The following WWOX variants were observed in gnomAD, a reference collection of about 807,000 sequenced individuals.
The protein encoded by WWOX is WW domain containing oxidoreductase.
A neutral mutation model predicts 46.2 loss-of-function variants in WWOX; 69 were observed. The ratio of observed to expected loss-of-function variants is 1.49; its 90% CI spans 1.23 to 1.82. The LOEUF is 1.82. WWOX is among the 40% of genes most tolerant of loss of function. WWOX has a pLI of 0.00. For synonymous variants in WWOX, 359 were observed against 202.6 expected, an observed-to-expected ratio of 1.77 and a Z score of -6.56; for missense variants, 919 against 542.6, an observed-to-expected ratio of 1.69 and a Z score of -6.89.
At chr16:78,146,472 A>G (rs1039781631) in intron 4 of WWOX, among the ~76,000 whole-genome samples, 1 of 152,218 alleles carries the variant, frequency 6.6e-6, no homozygotes, top group Non-Finnish European at 1.5e-5. Flanking sequence ...ATGTAAAATC[A>G]GCCTCAGCTG....
At chr16:78,477,245 C>A (rs1412355885) in intron 8 of WWOX, among the ~76,000 whole-genome samples, 2 of 152,152 alleles carry the variant, frequency 1.3e-5, no homozygotes, top group East Asian at 1.9e-4. Context: ...AGGGGATGAT[C>A]TTCTAGTCTA....
chr16:78,657,347 T>C (rs553274436), intron 8 of WWOX, among the ~76,000 whole-genome samples: 1 of 152,248 alleles, frequency 6.6e-6, no homozygotes, highest in East Asian at 1.9e-4. Context: ...AAGGGGACTT[T>C]CTTGCTTCCT....
intron 8 of WWOX, among the ~76,000 whole-genome samples, chr16:78,930,595 CTT>C (rs534091390): frequency 1.1e-4 from 15 of 139,468 alleles, no homozygotes; most frequent in East Asian, 2.1e-4. Context: ...CAGGCAAGGA[CTT>C]TTTTTTTTTT....
chr16:79,037,618 G>T (rs772648027), intron 8 of WWOX, among the ~76,000 whole-genome samples: 4 of 152,174 alleles, frequency 2.6e-5, no homozygotes, highest in Non-Finnish European at 5.9e-5. Context: ...AGCTGAGGCA[G>T]GATGGGCAGG....
At chr16:78,963,130 T>G (rs2046302765) in intron 8 of WWOX, among the ~76,000 whole-genome samples, 1 of 152,208 alleles carries the variant, frequency 6.6e-6, no homozygotes, top group Non-Finnish European at 1.5e-5. Flanking sequence ...TCTATCCATT[T>G]ACCATTCCTC....
At chr16:78,707,066 C>T (rs569341599) in intron 8 of WWOX, among the ~76,000 whole-genome samples, 8 of 152,302 alleles carry the variant, frequency 5.3e-5, no homozygotes, top group East Asian at 1.9e-4. Context: ...ACGTATTCCC[C>T]TTCAAGGACA....
intron 5 of WWOX, among the ~76,000 whole-genome samples, chr16:78,360,002 C>G (rs1045196866): frequency 6.6e-6 from 1 of 152,110 alleles, no homozygotes; most frequent in Non-Finnish European, 1.5e-5. Context: ...CTTAGCAGTT[C>G]TCAGAATTTT....
At chr16:78,929,202 T>A in intron 8 of WWOX, among the ~76,000 whole-genome samples, 1 of 152,162 alleles carries the variant, frequency 6.6e-6, no homozygotes, top group Non-Finnish European at 1.5e-5. Flanking sequence ...AATATTCGAA[T>A]TATTTTCATA....
At chr16:78,490,369 T>C (rs575402610) in intron 8 of WWOX, among the ~76,000 whole-genome samples, 2 of 152,308 alleles carry the variant, frequency 1.3e-5, no homozygotes, top group East Asian at 3.9e-4. Flanking sequence ...GTGTTATTCA[T>C]GTATGTGCAC....
At chr16:78,310,966 G>A (rs564913689) in intron 5 of WWOX, among the ~76,000 whole-genome samples, 3 of 152,178 alleles carry the variant, frequency 2.0e-5, no homozygotes, top group Admixed American at 6.5e-5. Flanking sequence ...AGAAATAGAC[G>A]AGTGAGTGCA....
chr16:78,492,163 C>G (rs761836255), intron 8 of WWOX, among the ~76,000 whole-genome samples: 1 of 152,164 alleles, frequency 6.6e-6, no homozygotes, highest in Non-Finnish European at 1.5e-5. Context: ...TTTCCACACA[C>G]AGGGAAGCAG....
chr16:78,731,512 A>G (rs1387847020), intron 8 of WWOX, among the ~76,000 whole-genome samples: 3 of 152,132 alleles, frequency 2.0e-5, no homozygotes, highest in African/African-American at 7.2e-5. Context: ...TCCCTTTGTT[A>G]ATTCCTTTTT....
chr16:78,223,321 C>T (rs1161935259), intron 5 of WWOX, among the ~76,000 whole-genome samples: 1 of 152,118 alleles, frequency 6.6e-6, no homozygotes, highest in Non-Finnish European at 1.5e-5. Context: ...CAGGCGCATC[C>T]TACAACAGAG....
intron 8 of WWOX, among the ~76,000 whole-genome samples, chr16:78,760,342 A>G (rs1189498332): frequency 1.3e-5 from 2 of 152,242 alleles, no homozygotes; most frequent in African/African-American, 4.8e-5. Flanking sequence ...TGGGAGCTAC[A>G]ATTCAATATG....
intron 8 of WWOX, among the ~76,000 whole-genome samples, chr16:78,816,498 C>G (rs1039558709): frequency 1.7e-5 from 2 of 120,316 alleles, no homozygotes; most frequent in African/African-American, 6.1e-5. Flanking sequence ...AAGAAGGAGC[C>G]ACTCTTTTTT....
At chr16:78,980,770 A>T (rs1450616009) in intron 8 of WWOX, among the ~76,000 whole-genome samples, 2 of 152,122 alleles carry the variant, frequency 1.3e-5, no homozygotes, top group Non-Finnish European at 2.9e-5. Flanking sequence ...TTGAATAAGT[A>T]TTTTGCAGGG....
intron 8 of WWOX, among the ~76,000 whole-genome samples, chr16:79,178,248 CA>C (rs1326444220): frequency 6.6e-6 from 1 of 152,020 alleles, no homozygotes; most frequent in African/African-American, 2.4e-5. Context: ...GTTTTATTTA[CA>C]AAAAACAAAA....
chr16:79,203,184 A>G (rs2051398575), intron 8 of WWOX: 1 of 152,236 alleles, frequency 6.6e-6, no homozygotes, highest in Admixed American at 6.5e-5. Flanking sequence ...CTCTCTGTGT[A>G]AAGGCAGTGC....
intron 4 of WWOX, among the ~76,000 whole-genome samples, 192 bp from the exon 5 acceptor site, chr16:78,163,991 C>G (rs974013283): frequency 6.6e-6 from 1 of 152,142 alleles, no homozygotes; most frequent in Admixed American, 6.5e-5. Flanking sequence ...CCACTAGATG[C>G]CAGTAGGACT....
Sources: gnomAD v4.1 joint callset for allele counts (sites outside exome capture counted in the v4.1 genomes callset) on GRCh38, gnomAD v4.1.1 for gene constraint, MANE v1.5 for transcripts, NCBI Gene and HGNC (gene_info 2026-07-23, HGNC 2026-07-21) for gene names.